Variants in SETX observed in about 807,000 individuals in gnomAD.
The protein encoded by SETX is senataxin, also known as helicase senataxin.
In SETX, 90 loss-of-function variants were observed where a neutral mutation model predicts 227.2. That is an observed-to-expected ratio of 0.40 (90% CI 0.33 to 0.47). SETX has a LOEUF of 0.47. SETX is among the 20% of genes least tolerant of loss of function. The probability of loss-of-function intolerance (pLI) is 0.91; values close to 1 mark genes in which losing one functional copy is unlikely to be tolerated. For missense variants in SETX, 3,052 were observed against 3,181.5 expected (o/e 0.96, Z 0.98); for synonymous variants, 1,210 against 1,113.2 (o/e 1.09, Z -1.73).
At chr9:132,306,325 G>C (rs1845333853) in intron 11 of SETX, among the ~76,000 whole-genome samples, 1 of 152,154 alleles carries the variant, frequency 6.6e-6, no homozygotes, top group African/African-American at 2.4e-5. Flanking sequence ...CAATTCTCCT[G>C]CATCAGCCTC....
chr9:132,276,843 G>A (rs932340186), intron 22 of SETX, among the ~76,000 whole-genome samples: 1 of 152,318 alleles, frequency 6.6e-6, no homozygotes, highest in Non-Finnish European at 1.5e-5. Context: ...CCTCACTGCT[G>A]TGAGCTCAAC....
chr9:132,351,335 C>A (rs999756472), intron 2 of SETX, among the ~76,000 whole-genome samples: 3 of 152,190 alleles, frequency 2.0e-5, no homozygotes, highest in African/African-American at 7.2e-5. Context: ...ATGTTGCATA[C>A]TTCTTTTCCC....
At chr9:132,281,333 C>T in intron 20 of SETX, 134 bp downstream of exon 20, 2 of 679,608 alleles carry the variant, frequency 2.9e-6, no homozygotes, top group East Asian at 5.5e-5. Flanking sequence ...TTAAGTGCTT[C>T]TCTTTTCTTA....
At chr9:132,323,279 T>C (rs1190322521) in intron 10 of SETX, among the ~76,000 whole-genome samples, 1 of 151,958 alleles carries the variant, frequency 6.6e-6, no homozygotes, top group East Asian at 1.9e-4. Flanking sequence ...ATTTAAACAT[T>C]CAAGAAAAGA....
intron 20 of SETX, 81 bp from the exon 21 acceptor site, chr9:132,278,338 C>A: frequency 7.3e-7 from 1 of 1,370,146 alleles, no homozygotes; most frequent in Middle Eastern, 1.9e-4. Flanking sequence ...TTACTGAGAT[C>A]TAATACGTAT....
chr9:132,267,316 T>G (rs1842695081), intron 25 of SETX, among the ~76,000 whole-genome samples: 1 of 152,206 alleles, frequency 6.6e-6, no homozygotes, highest in Non-Finnish European at 1.5e-5. Context: ...CTCACTCAGA[T>G]CTCTAGAGAT....
In SETX at chr9:132,329,112, G is replaced by A; in HGVS notation, c.2486C>T (p.Thr829Ile). 1 of 1,610,086 alleles carries A rather than the reference G, an allele frequency of 6.2e-7. No homozygotes were observed. The highest frequency in any genetic ancestry group is 1.1e-5 in the South Asian group (1 of 90,674). The change falls in exon 10 of 26, where the codon ACA (threonine) becomes ATA (isoleucine). Residue 829 changes from threonine (T) to isoleucine (I), a missense_variant. Physicochemically the swap from Thr to Ile is moderately conservative, Grantham distance 89. Transcript: ENST00000224140. The part of the protein sequence containing the change: ...NIESFYSRKD[T>I]GVQKGDGFIH... ...GAAACCATCTCCTTTCTGAACTCCT[G>A]TATCTTTCCTTGAATAGAAACTCTC...
chr9:132,308,003 G>A (rs911924022), intron 11 of SETX, among the ~76,000 whole-genome samples: 1 of 152,084 alleles, frequency 6.6e-6, no homozygotes, highest in African/African-American at 2.4e-5. Flanking sequence ...TCGTTATTCT[G>A]AAAACTGGTC....
At chr9:132,356,299 T>C (rs1395063835), upstream of SETX, among the ~76,000 whole-genome samples, 1 of 151,480 alleles carries the variant, frequency 6.6e-6, no homozygotes, top group East Asian at 2.0e-4. Flanking sequence ...GCCTCCTGGG[T>C]TCAAATGATT....
intron 10 of SETX, 71 bp from the exon 11 acceptor site, chr9:132,311,927 A>T: frequency 8.6e-7 from 1 of 1,166,484 alleles, no homozygotes; most frequent in Non-Finnish European, 1.3e-6. Flanking sequence ...AACATTTTCC[A>T]AAGTTAAGCA....
chr9:132,277,951 A>G, intron 21 of SETX, 119 bp downstream of exon 21: 1 of 1,005,006 alleles, frequency 1.0e-6, no homozygotes, highest in Non-Finnish European at 1.5e-6. Context: ...GGACAAAATT[A>G]TTAACCCTTC....
intron 25 of SETX, among the ~76,000 whole-genome samples, chr9:132,266,796 T>C (rs1400902550): frequency 6.6e-6 from 1 of 152,010 alleles, no homozygotes; most frequent in African/African-American, 2.4e-5. Context: ...AAAAAAACCT[T>C]ATACACTGGA....
At chr9:132,331,527 T>C in intron 7 of SETX, 79 bp from the exon 8 acceptor site, 1 of 1,482,836 alleles carries the variant, frequency 6.7e-7, no homozygotes, top group South Asian at 1.2e-5. Context: ...TTAAGCATAT[T>C]CTTTATCTGG....
intron 15 of SETX, among the ~76,000 whole-genome samples, chr9:132,291,939 T>A (rs1184220170): frequency 4.6e-5 from 7 of 152,196 alleles, no homozygotes; most frequent in Admixed American, 1.3e-4. Flanking sequence ...TGGCTTAGGC[T>A]CAGCTGGGCC....
chr9:132,293,941 G>A (rs1302827601), intron 15 of SETX, among the ~76,000 whole-genome samples: 1 of 152,014 alleles, frequency 6.6e-6, no homozygotes, highest in Non-Finnish European at 1.5e-5. Context: ...GGAGAATGGC[G>A]TGAACCTGAG....
At chr9:132,283,531 T>C (rs1296078692) in intron 18 of SETX, 118 bp from the exon 19 acceptor site, 1 of 1,309,680 alleles carries the variant, frequency 7.6e-7, no homozygotes. Flanking sequence ...CAGAAAAATA[T>C]TTAGTAAAAG....
At chr9:132,313,916 T>C (rs2131365044) in intron 10 of SETX, among the ~76,000 whole-genome samples, 1 of 125,468 alleles carries the variant, frequency 8.0e-6, no homozygotes, top group East Asian at 3.0e-4. Flanking sequence ...CAATGTGGCC[T>C]TCCAAGTTTT....
At chr9:132,351,581 C>A (rs1051344682) in intron 2 of SETX, among the ~76,000 whole-genome samples, 1 of 152,174 alleles carries the variant, frequency 6.6e-6, no homozygotes, top group African/African-American at 2.4e-5. Flanking sequence ...AATACTGCTG[C>A]AGAGCACACC....
At chr9:132,265,680 C>T (rs1195252261) in intron 25 of SETX, among the ~76,000 whole-genome samples, 1 of 152,176 alleles carries the variant, frequency 6.6e-6, no homozygotes, top group African/African-American at 2.4e-5. Context: ...CGGTCACACA[C>T]GACTAATGGC....
Sources: gnomAD v4.1 joint callset for allele counts (sites outside exome capture counted in the v4.1 genomes callset) on GRCh38, gnomAD v4.1.1 for gene constraint, MANE v1.5 for transcripts, NCBI Gene and HGNC (gene_info 2026-07-23, HGNC 2026-07-21) for gene names.